CHD6: variants seen among roughly 807,000 people sequenced by gnomAD.
The protein encoded by CHD6 is chromodomain helicase DNA binding protein 6, also known as ATP-dependent chromatin remodeler CHD6.
Under a neutral mutation model 276.9 loss-of-function variants are expected in CHD6, and 50 were observed. The observed-to-expected ratio is 0.18, with a 90% CI of 0.14 to 0.23. CHD6 has a LOEUF of 0.23. CHD6 is among the 10% of genes least tolerant of loss of function. The pLI is 1.00. For missense variants in CHD6, 2,564 were observed against 3,365.8 expected, an observed-to-expected ratio of 0.76 and a Z score of 5.89; for synonymous variants, 1,173 against 1,229.3, an observed-to-expected ratio of 0.95 and a Z score of 0.96.
intron 31 of CHD6, among the ~76,000 whole-genome samples, chr20:41,419,752 C>G (rs1318963352): frequency 1.4e-4 from 21 of 151,912 alleles, no homozygotes; most frequent in Admixed American, 1.3e-3. Flanking sequence ...CCCTAATAGG[C>G]CTTCTTGGAT....
At chr20:41,596,375 CG>C (rs1224831129) in intron 1 of CHD6, among the ~76,000 whole-genome samples, 6 of 152,090 alleles carry the variant, frequency 3.9e-5, no homozygotes, top group African/African-American at 1.4e-4. Flanking sequence ...TTTGGGGTCA[CG>C]GATCAAATTG....
rs140559787 is a variant in CHD6 at position 41,514,724 on chromosome 20, T to C, written c.702+81A>G. ...CTAGGGAGTGTGCTAGAGAAAGGCA[T>C]AGAGGAGCAACACGATCAGTGTCAG... On this transcript the variant is annotated intron_variant, in intron 4 of 36. Transcript: ENST00000373233. 117 of 1,498,856 alleles carry C rather than the reference T, an allele frequency of 7.8e-5. No individual in the cohort carries two copies. In the African/African-American group the frequency reaches 1.3e-3, roughly 16 times the overall value. The allele number at this position is 1,498,856 out of a possible 1,614,324, so 92.8% of individuals were successfully genotyped here. A position where few individuals can be genotyped will look rare whatever the true frequency, so the allele number is the denominator to read the frequency against.
chr20:41,524,849 T>A (rs1172088184), intron 3 of CHD6, among the ~76,000 whole-genome samples: 1 of 152,196 alleles, frequency 6.6e-6, no homozygotes, highest in African/African-American at 2.4e-5. Context: ...CATGACCCAT[T>A]CTTGTGTTGC....
chr20:41,597,287 G>A (rs1014731406), intron 1 of CHD6, among the ~76,000 whole-genome samples: 8 of 151,958 alleles, frequency 5.3e-5, no homozygotes, highest in South Asian at 4.2e-4. Context: ...ACTGCTCCCC[G>A]GAAAGACATC....
At chr20:41,609,212 C>G (rs949047377) in intron 1 of CHD6, among the ~76,000 whole-genome samples, 1 of 152,106 alleles carries the variant, frequency 6.6e-6, no homozygotes, top group African/African-American at 2.4e-5. Context: ...ACTCAGGAGG[C>G]TGAGGCAGGA....
At chr20:41,529,475 T>G (rs1279590386) in intron 3 of CHD6, among the ~76,000 whole-genome samples, 2 of 152,082 alleles carry the variant, frequency 1.3e-5, no homozygotes, top group Non-Finnish European at 2.9e-5. Flanking sequence ...CTGGCTGCAA[T>G]ACAACAGGGC....
chr20:41,548,194 T>C (rs1044459043), intron 2 of CHD6, among the ~76,000 whole-genome samples: 7 of 152,212 alleles, frequency 4.6e-5, no homozygotes, highest in Admixed American at 3.3e-4. Flanking sequence ...CCATCAGTAT[T>C]TATAAGAGGA....
At chr20:41,436,943 C>T (rs905635311) in intron 27 of CHD6, among the ~76,000 whole-genome samples, 5 of 152,190 alleles carry the variant, frequency 3.3e-5, no homozygotes, top group African/African-American at 1.2e-4. Flanking sequence ...TGTATCTTGA[C>T]TCTATCCATA....
At chr20:41,489,054 T>A (rs892253910) in intron 12 of CHD6, among the ~76,000 whole-genome samples, 4 of 152,194 alleles carry the variant, frequency 2.6e-5, no homozygotes, top group Non-Finnish European at 4.4e-5. Flanking sequence ...ATGATTCTGA[T>A]GCACCTAAGA....
intron 27 of CHD6, among the ~76,000 whole-genome samples, chr20:41,431,161 G>T (rs1229068024): frequency 6.6e-6 from 1 of 152,132 alleles, no homozygotes; most frequent in Admixed American, 6.5e-5. Flanking sequence ...GTCAAGATGA[G>T]AACCTAACTT....
intron 27 of CHD6, among the ~76,000 whole-genome samples, chr20:41,436,704 G>C (rs1465538230): frequency 6.6e-6 from 1 of 152,060 alleles, no homozygotes; most frequent in African/African-American, 2.4e-5. Flanking sequence ...TGTTGATACA[G>C]ACAACCACCT....
intron 36 of CHD6, among the ~76,000 whole-genome samples, chr20:41,408,932 CT>C (rs1569040573): frequency 6.6e-6 from 1 of 152,236 alleles, no homozygotes; most frequent in African/African-American, 2.4e-5. Context: ...CACCTTGGCC[CT>C]GGCCCAGTAA....
intron 2 of CHD6, among the ~76,000 whole-genome samples, chr20:41,536,874 C>T (rs1027613306): frequency 1.3e-5 from 2 of 152,076 alleles, no homozygotes; most frequent in African/African-American, 2.4e-5. Flanking sequence ...AGAGAGAGAG[C>T]CTTTCACTCT....
In CHD6 at chr20:41,452,822, T is replaced by C; in HGVS notation, c.3241A>G (p.Arg1081Gly). ...LDSDSDERPTRSRRLNDKARR... is the reference protein window; with the variant it reads ...LDSDSDERPTGSRRLNDKARR... The stretch of plus-strand genomic sequence containing the variant: ...GCTTTGTCATTGAGGCGCCTGGATC[T>C]CGTGGGCCTTTCGTCTGAGTCGCTG... The change falls in exon 21 of 37, where the codon AGA (arginine) becomes GGA (glycine). Residue 1081 changes from arginine to glycine, a missense_variant. Around this residue, in one of 7 missense-constraint regions of CHD6, gnomAD observed 515 missense variants for 739.5 expected, o/e 0.70. Coordinates refer to ENST00000373233, the MANE Select transcript of CHD6 (RefSeq NM_032221.5). The surrounding 1 kb of genome is among the most constrained non-coding windows in gnomAD (Gnocchi z 4.2). 1 of 1,613,568 alleles carries C rather than the reference T, an allele frequency of 6.2e-7. No individual in the cohort carries two copies. Among genetic ancestry groups the C allele is most frequent in the Non-Finnish European group, 8.5e-7 (1 of 1,179,928 alleles).
At chr20:41,407,353 C>A (rs35713773) in intron 36 of CHD6, among the ~76,000 whole-genome samples, 23,557 of 151,984 alleles carry the variant, frequency 0.15, 2,044 homozygotes, top group East Asian at 0.22. Context: ...TCTTGGGGTG[C>A]GAAAGGAGAT....
intron 7 of CHD6, 101 bp from the exon 8 acceptor site, chr20:41,497,602 T>A: frequency 1.2e-6 from 1 of 824,680 alleles, no homozygotes; most frequent in Non-Finnish European, 2.1e-6. Flanking sequence ...ACAGAAATAG[T>A]AAAATGGTTT....
intron 2 of CHD6, chr20:41,547,804 C>G: frequency 2.0e-6 from 1 of 507,700 alleles, no homozygotes; most frequent in South Asian, 1.5e-5. Context: ...CTCTCTGGAA[C>G]TATTAAAGAG....
intron 18 of CHD6, among the ~76,000 whole-genome samples, 155 bp from the exon 19 acceptor site, chr20:41,456,134 G>T (rs1391833833): frequency 6.6e-6 from 1 of 152,108 alleles, no homozygotes; most frequent in Non-Finnish European, 1.5e-5. Flanking sequence ...TGAAATCCCA[G>T]ATGCGATACT....
At chr20:41,593,247 T>C (rs868398082) in intron 1 of CHD6, among the ~76,000 whole-genome samples, 1 of 151,440 alleles carries the variant, frequency 6.6e-6, no homozygotes, top group African/African-American at 2.4e-5. Context: ...GGTTTGTTCA[T>C]CACTAGAATA....
Sources: allele counts gnomAD v4.1 joint callset (sites outside exome capture counted in the v4.1 genomes callset), GRCh38; gene constraint gnomAD v4.1.1; regional missense constraint gnomAD v4.1.1; non-coding constraint Gnocchi (gnomAD v3.1); transcripts MANE v1.5; gene names NCBI Gene and HGNC (gene_info 2026-07-23, HGNC 2026-07-21).